Variants in KCNQ3 observed in about 807,000 individuals in gnomAD.
KCNQ3 encodes potassium voltage-gated channel subfamily KQT member 3.
KCNQ3 carries 30 observed loss-of-function variants against 92.5 expected under a neutral mutation model. The ratio of observed to expected loss-of-function variants is 0.32; its 90% CI spans 0.24 to 0.44. The LOEUF (loss-of-function observed/expected upper bound fraction) is 0.44. KCNQ3 is among the 20% of genes least tolerant of loss of function. The pLI, the probability that KCNQ3 is intolerant of heterozygous loss-of-function variation, is 1.00. For missense variants in KCNQ3, 913 were observed against 1,140.3 expected, an observed-to-expected ratio of 0.80 and a Z score of 2.87; for synonymous variants, 450 against 468.8, an observed-to-expected ratio of 0.96 and a Z score of 0.52.
intron 4 of KCNQ3, among the ~76,000 whole-genome samples, chr8:132,177,458 C>T (rs1385535332): frequency 1.3e-5 from 2 of 152,276 alleles, no homozygotes; most frequent in Non-Finnish European, 2.9e-5. Context: ...GAGTGAATCC[C>T]TCCTTGTCCC....
intron 1 of KCNQ3, among the ~76,000 whole-genome samples, chr8:132,387,326 G>T (rs1167728731): frequency 6.6e-6 from 1 of 152,136 alleles, no homozygotes; most frequent in South Asian, 2.1e-4. Flanking sequence ...CACCTTAATA[G>T]ATATCTAACT....
chr8:132,441,147 C>A (rs1250775355), intron 1 of KCNQ3, among the ~76,000 whole-genome samples: 2 of 152,208 alleles, frequency 1.3e-5, no homozygotes, highest in Non-Finnish European at 2.9e-5. Flanking sequence ...TCTTTCCCAC[C>A]CCCAACACTT....
At chr8:132,227,356 G>A (rs945909218) in intron 1 of KCNQ3, among the ~76,000 whole-genome samples, 5 of 151,958 alleles carry the variant, frequency 3.3e-5, no homozygotes, top group Admixed American at 6.6e-5. Flanking sequence ...CACCACACCC[G>A]GCCCCACTGG....
At chr8:132,186,907 C>CAT (rs1826973528) in intron 1 of KCNQ3, among the ~76,000 whole-genome samples, 2 of 111,436 alleles carry the variant, frequency 1.8e-5, no homozygotes, top group African/African-American at 3.8e-5. Context: ...CTGTGAGGTG[C>CAT]GTGTGTGTGT....
In KCNQ3 at chr8:132,276,797, C is replaced by T. The variant is rs79061726; in HGVS notation, c.387-90616G>A. ...CTCCACCCCAACAACCAGAGCTAGG[C>T]GACTATGGAAAATCATTCGACCCCT... is the stretch of plus-strand genomic sequence containing the variant. On this transcript the variant is annotated intron_variant, in intron 1 of 14. Coordinates refer to ENST00000388996, the MANE Select transcript of KCNQ3 (RefSeq NM_004519.4). Among the ~76,000 whole-genome samples the T allele has an allele frequency of 8.9e-4, 136 of 152,234 alleles. 1 individual carries two copies. Among genetic ancestry groups the T allele is most frequent in the African/African-American group, 3.2e-3 (131 of 41,520 alleles).
At chr8:132,475,857 G>A (rs1420932389) in intron 1 of KCNQ3, among the ~76,000 whole-genome samples, 4 of 152,226 alleles carry the variant, frequency 2.6e-5, no homozygotes, top group African/African-American at 7.2e-5. Flanking sequence ...CAGGGAAAAT[G>A]TCTCCAGGGC....
chr8:132,228,859 G>A (rs1049499548), intron 1 of KCNQ3, among the ~76,000 whole-genome samples: 1 of 152,102 alleles, frequency 6.6e-6, no homozygotes, highest in African/African-American at 2.4e-5. Flanking sequence ...TTCATGCATT[G>A]TGTTAGTGAG....
In KCNQ3 at chr8:132,278,589, G is replaced by A. The variant is rs752042796; in HGVS notation, c.387-92408C>T. Among the ~76,000 whole-genome samples the A allele has an allele frequency of 7.2e-5, 11 of 152,266 alleles. No individual in the cohort carries two copies. The South Asian group carries it at 2.1e-3, about 29-fold the overall frequency. On this transcript the variant is annotated intron_variant, in intron 1 of 14. Transcript: ENST00000388996. The stretch of plus-strand genomic sequence containing the variant: ...ATAAGTAGGACTCTGGGGTGTTCCC[G>A]CCTAAGTTAGTGATAAGAACAAGAT...
intron 1 of KCNQ3, among the ~76,000 whole-genome samples, chr8:132,456,717 T>C (rs1821950889): frequency 6.6e-6 from 1 of 152,050 alleles, no homozygotes; most frequent in Admixed American, 6.6e-5. Flanking sequence ...GTTCACGCCA[T>C]TCTCCTGCCT....
At position 132,164,346 on chromosome 8, in the gene KCNQ3, T is replaced by A. The variant is rs564838448; in HGVS notation, c.1236-852A>T. ...GTAGAATTACATGTAGTCTCGTTTT[T>A]TTTTTTTCTTGTCTAAAATATGAGC... On this transcript the variant is annotated intron_variant, in intron 8 of 14. Transcript: ENST00000388996. Among the ~76,000 whole-genome samples the A allele has an allele frequency of 6.0e-5, 9 of 150,754 alleles. No homozygotes were observed. In the East Asian group the frequency reaches 1.7e-3, roughly 29 times the overall value.
In KCNQ3 at chr8:132,128,077, C is replaced by T. The variant is rs1275601488; in HGVS notation, c.*1185G>A. 6.6e-6 allele frequency: 1 copy of T among 152,208 alleles called. No homozygotes were observed. Among genetic ancestry groups the T allele is most frequent in the Non-Finnish European group, 1.5e-5 (1 of 68,050 alleles). The allele number at this position is 152,208 out of a possible 1,614,324, so 9.4% of individuals were successfully genotyped here. A position where few individuals can be genotyped will look rare whatever the true frequency, so the allele number is the denominator to read the frequency against. On this transcript the variant is annotated 3_prime_UTR_variant, in exon 15 of 15. Transcript: ENST00000388996. ...TGCAATAAAAGTGGAAATCCCCCTCCTGCTGGATAAACTGGGTGCTTTCCA... is the reference window on the plus strand; with the variant it reads ...TGCAATAAAAGTGGAAATCCCCCTCTTGCTGGATAAACTGGGTGCTTTCCA...
chr8:132,391,222 G>C (rs530517218), intron 1 of KCNQ3, among the ~76,000 whole-genome samples: 9 of 152,082 alleles, frequency 5.9e-5, no homozygotes, highest in Non-Finnish European at 1.2e-4. Context: ...TCATGGGTTC[G>C]GTAGGTCAGA....
chr8:132,161,105 A>T (rs1308132055), intron 9 of KCNQ3, among the ~76,000 whole-genome samples: 1 of 152,184 alleles, frequency 6.6e-6, no homozygotes, highest in African/African-American at 2.4e-5. Flanking sequence ...CGTAAATCAA[A>T]ACATTCAAGA....
intron 1 of KCNQ3, among the ~76,000 whole-genome samples, chr8:132,403,069 C>T (rs1820388456): frequency 1.4e-5 from 2 of 142,686 alleles, no homozygotes; most frequent in African/African-American, 5.3e-5. Flanking sequence ...ACAAATGTAC[C>T]ATACTAATGC....
intron 1 of KCNQ3, among the ~76,000 whole-genome samples, chr8:132,269,570 C>G (rs942724417): frequency 6.6e-6 from 1 of 152,202 alleles, no homozygotes; most frequent in Non-Finnish European, 1.5e-5. Flanking sequence ...CATTGAAAGA[C>G]ATGTTTTTTT....
chr8:132,269,366 T>C (rs1816082693), intron 1 of KCNQ3, among the ~76,000 whole-genome samples: 1 of 152,226 alleles, frequency 6.6e-6, no homozygotes, highest in African/African-American at 2.4e-5. Flanking sequence ...CATTTTTAGT[T>C]AACTTTTGTG....
intron 1 of KCNQ3, among the ~76,000 whole-genome samples, chr8:132,453,989 G>A (rs993479801): frequency 6.6e-6 from 1 of 152,178 alleles, no homozygotes; most frequent in Non-Finnish European, 1.5e-5. Context: ...AGGCCAAAGG[G>A]ATTAGTCAAC....
intron 1 of KCNQ3, among the ~76,000 whole-genome samples, chr8:132,418,143 A>G (rs540002718): frequency 6.6e-6 from 1 of 152,314 alleles, no homozygotes; most frequent in African/African-American, 2.4e-5. Flanking sequence ...TTTTCTGAGT[A>G]AGAACATATT....
At chr8:132,438,420 C>CTT (rs1186237329) in intron 1 of KCNQ3, among the ~76,000 whole-genome samples, 2 of 152,110 alleles carry the variant, frequency 1.3e-5, no homozygotes, top group African/African-American at 2.4e-5. Context: ...ATCTGAGGAA[C>CTT]TTAGGGACTC....
Sources: allele counts gnomAD v4.1 joint callset (sites outside exome capture counted in the v4.1 genomes callset), GRCh38; gene constraint gnomAD v4.1.1; transcripts MANE v1.5; gene names NCBI Gene and HGNC (gene_info 2026-07-23, HGNC 2026-07-21).